The following ADAM22 variants were observed in gnomAD, a reference collection of about 807,000 sequenced individuals.
The protein encoded by ADAM22 is disintegrin and metalloproteinase domain-containing protein 22.
Under a neutral mutation model 144.6 loss-of-function variants are expected in ADAM22, and 65 were observed. The observed-to-expected ratio is 0.45, with a 90% confidence interval of 0.37 to 0.55. ADAM22 has a LOEUF of 0.55. Among genes scored for constraint, ADAM22 ranks in the 20% least tolerant of loss-of-function variants. The pLI is 0.00. For missense variants in ADAM22, 974 were observed against 1,184.9 expected, an observed-to-expected ratio of 0.82 and a Z score of 2.61; for synonymous variants, 391 against 412.6, an observed-to-expected ratio of 0.95 and a Z score of 0.63.
chr7:88,144,625 G>C (rs7810342), intron 15 of ADAM22, among the ~76,000 whole-genome samples: 24,857 of 151,886 alleles, frequency 0.16, 3,934 homozygotes, highest in African/African-American at 0.41. Context: ...ACTTAATCCT[G>C]AACAATTTTC....
intron 26 of ADAM22, among the ~76,000 whole-genome samples, chr7:88,172,124 G>T (rs1844477693): frequency 1.3e-5 from 2 of 151,746 alleles, no homozygotes; most frequent in Admixed American, 1.3e-4. Flanking sequence ...GAAAGAATTT[G>T]CATAGTTGGA....
At chr7:87,935,255 C>T (rs1023815063) in intron 2 of ADAM22, 69 bp downstream of exon 2, 3 of 1,457,466 alleles carry the variant, frequency 2.1e-6, no homozygotes, top group South Asian at 1.4e-5. Flanking sequence ...CGATTGCGCT[C>T]GGTTGCCCTG....
At chr7:88,125,790 A>C (rs1440024013) in intron 8 of ADAM22, 131 bp downstream of exon 8, 1 of 642,098 alleles carries the variant, frequency 1.6e-6, no homozygotes, top group Admixed American at 4.0e-5. Context: ...ATAAACCGTA[A>C]GGGTGATGGA....
chr7:88,073,242 A>C (rs1813297387), intron 3 of ADAM22, among the ~76,000 whole-genome samples: 1 of 152,216 alleles, frequency 6.6e-6, no homozygotes, highest in Non-Finnish European at 1.5e-5. Context: ...TATTTTTGAA[A>C]GGGCTTGTTC....
At chr7:88,141,120 A>G (rs1447086731) in intron 14 of ADAM22, among the ~76,000 whole-genome samples, 4 of 152,230 alleles carry the variant, frequency 2.6e-5, no homozygotes, top group Non-Finnish European at 4.4e-5. Context: ...AGGAAAGTTT[A>G]CTTGGGTTCA....
At chr7:87,938,207 ATTTTTTTT>A (rs59698275) in intron 2 of ADAM22, among the ~76,000 whole-genome samples, 11 of 75,572 alleles carry the variant, frequency 1.5e-4, no homozygotes, top group African/African-American at 5.8e-4. Flanking sequence ...ATACCCATAG[ATTTTTTTT>A]TTTTTTTTTT....
intron 7 of ADAM22, among the ~76,000 whole-genome samples, chr7:88,118,481 A>C (rs1345325100): frequency 5.9e-5 from 9 of 152,108 alleles, no homozygotes; most frequent in Admixed American, 5.9e-4. Context: ...TAAAATCCCT[A>C]TTCTGATAAG....
At chr7:88,016,913 T>G (rs1026531551) in intron 3 of ADAM22, among the ~76,000 whole-genome samples, 4 of 151,918 alleles carry the variant, frequency 2.6e-5, no homozygotes, top group Non-Finnish European at 5.9e-5. Context: ...AAGCCAGGAG[T>G]TCAACACCAG....
intron 3 of ADAM22, among the ~76,000 whole-genome samples, chr7:88,063,130 A>G (rs942954520): frequency 6.6e-6 from 1 of 152,204 alleles, no homozygotes; most frequent in Non-Finnish European, 1.5e-5. Context: ...GATTGTTACA[A>G]ACCTTCAATT....
intron 1 of ADAM22, 178 bp from the exon 2 acceptor site, chr7:87,934,848 C>A: frequency 1.2e-6 from 1 of 862,296 alleles, no homozygotes; most frequent in Non-Finnish European, 1.8e-6. Context: ...CTCGGATGAG[C>A]TGGTCCAAGG....
At chr7:87,991,377 T>C (rs1347934338) in intron 3 of ADAM22, among the ~76,000 whole-genome samples, 1 of 61,554 alleles carries the variant, frequency 1.6e-5, no homozygotes, top group East Asian at 4.3e-4. Context: ...TTTTTTTTTT[T>C]GAGACGGAGT....
intron 3 of ADAM22, among the ~76,000 whole-genome samples, chr7:88,041,318 G>A (rs1171026496): frequency 6.6e-6 from 1 of 151,950 alleles, no homozygotes; most frequent in African/African-American, 2.4e-5. Context: ...ATGGTAGTGA[G>A]TGCCATCATT....
chr7:87,947,780 T>C (rs991199047), intron 2 of ADAM22, among the ~76,000 whole-genome samples: 1 of 152,208 alleles, frequency 6.6e-6, no homozygotes, highest in Non-Finnish European at 1.5e-5. Flanking sequence ...TTTGCAGTTA[T>C]TGTAGGGTTA....
intron 2 of ADAM22, chr7:87,964,539 C>T (rs1457369130): frequency 2.4e-5 from 8 of 330,308 alleles, no homozygotes; most frequent in Non-Finnish European, 4.0e-5. Flanking sequence ...TCTTTTATTA[C>T]CTTTGTCTAA....
intron 3 of ADAM22, among the ~76,000 whole-genome samples, chr7:88,013,282 T>G (rs1464140086): frequency 6.6e-6 from 1 of 152,240 alleles, no homozygotes; most frequent in African/African-American, 2.4e-5. Flanking sequence ...TCTGATAGGT[T>G]CAAGAAAAGT....
At chr7:88,195,471 A>T (rs1461628625) in intron 31 of ADAM22, among the ~76,000 whole-genome samples, 1 of 152,146 alleles carries the variant, frequency 6.6e-6, no homozygotes, top group African/African-American at 2.4e-5. Context: ...GTATCCTTCC[A>T]CTGTGATACC....
chr7:88,145,514 A>C lies in ADAM22; in HGVS notation c.1485+7A>C, dbSNP rs757499141. 1 of 1,608,732 alleles carries C rather than the reference A, an allele frequency of 6.2e-7. No individual in the cohort carries two copies. The highest frequency in any genetic ancestry group is 1.3e-5 in the African/African-American group (1 of 74,934). On this transcript the variant is annotated splice_region_variant and intron_variant, in intron 17 of 31. Transcript: ENST00000413139. ...TTGCTGTAAAAAGTGCAAGGTAAAT[A>C]AACATTAATGACCATTTGACAGAAA... is the stretch of plus-strand genomic sequence containing the variant.
rs189287667 is a variant in ADAM22, at chr7:88,066,715, C to T, written c.324-8911C>T. Among the ~76,000 whole-genome samples, 121 of 151,912 alleles carry T rather than the reference C, an allele frequency of 8.0e-4. 1 individual carries two copies. Among genetic ancestry groups the T allele is most frequent in the East Asian group, 7.7e-4 (4 of 5,170 alleles). On this transcript the variant is annotated intron_variant, in intron 3 of 31. Coordinates refer to ENST00000413139, the MANE Select transcript of ADAM22 (RefSeq NM_001324418.2). ...GTACTCCAATGTTTAGGAACTGTAG[C>T]GATGAGAAGAAACCTACAAAGGAGA...
intron 2 of ADAM22, among the ~76,000 whole-genome samples, chr7:87,944,637 T>TG (rs999988537): frequency 1.3e-5 from 2 of 151,624 alleles, no homozygotes; most frequent in African/African-American, 4.9e-5. Context: ...GGTAAAAGGG[T>TG]GGTGGCAGGT....
Sources: gnomAD v4.1 joint callset for allele counts (sites outside exome capture counted in the v4.1 genomes callset) on GRCh38, gnomAD v4.1.1 for gene constraint, MANE v1.5 for transcripts, NCBI Gene and HGNC (gene_info 2026-07-23, HGNC 2026-07-21) for gene names.